Variants in ZNF804B observed in about 807,000 individuals in gnomAD.
ZNF804B encodes zinc finger protein 804B.
ZNF804B carries 80 observed loss-of-function variants against 101.4 expected under a neutral mutation model. That is an observed-to-expected ratio of 0.79 (90% CI 0.66 to 0.95). The LOEUF is 0.95. ZNF804B is among the 40% of genes least tolerant of loss of function. The pLI is 0.00. For synonymous variants in ZNF804B, 622 were observed against 558.8 expected, an observed-to-expected ratio of 1.11 and a Z score of -1.59; for missense variants, 1,673 against 1,561.9, an observed-to-expected ratio of 1.07 and a Z score of -1.20.
At chr7:89,232,384 C>T (rs1166589296) in intron 2 of ZNF804B, among the ~76,000 whole-genome samples, 6 of 152,084 alleles carry the variant, frequency 3.9e-5, no homozygotes, top group Non-Finnish European at 5.9e-5. Flanking sequence ...ATATAGTTCA[C>T]TTTCTTGAGA....
chr7:89,294,112 CCT>C (rs1416643145), intron 2 of ZNF804B, among the ~76,000 whole-genome samples: 1 of 152,100 alleles, frequency 6.6e-6, no homozygotes, highest in Non-Finnish European at 1.5e-5. Context: ...AATTGGTTTT[CCT>C]GACACTGCAA....
At chr7:88,922,140 C>T (rs572412436) in intron 1 of ZNF804B, among the ~76,000 whole-genome samples, 5 of 151,938 alleles carry the variant, frequency 3.3e-5, no homozygotes, top group African/African-American at 4.8e-5. Context: ...TTTTCTCAAC[C>T]TATTAGTCCC....
At position 88,969,893 on chromosome 7, in the gene ZNF804B, TATAAC is replaced by T. The variant is rs368627800; in HGVS notation, c.108+209813_108+209817del. Among the ~76,000 whole-genome samples, 464 of 151,680 alleles carry T rather than the reference TATAAC, an allele frequency of 3.1e-3. 2 individuals carry two copies. The highest frequency in any genetic ancestry group is 0.011 in the African/African-American group (439 of 41,482). On this transcript the variant is annotated intron_variant, in intron 1 of 3. Coordinates refer to ENST00000333190, the MANE Select transcript of ZNF804B (RefSeq NM_181646.5). ...AAAATTGTTTCGCTTAGTATTGTAA[TATAAC>T]ATATAATAGAATTATTTCCAAAAAT...
chr7:88,960,725 C>A (rs951512006), intron 1 of ZNF804B, among the ~76,000 whole-genome samples: 16 of 151,162 alleles, frequency 1.1e-4, no homozygotes, highest in African/African-American at 2.9e-4. Context: ...AAATATAGTA[C>A]TGAATTCCAC....
intron 1 of ZNF804B, among the ~76,000 whole-genome samples, chr7:88,862,413 C>G (rs1196794725): frequency 6.6e-6 from 1 of 152,000 alleles, no homozygotes; most frequent in Non-Finnish European, 1.5e-5. Flanking sequence ...GGTACATGAC[C>G]AGCCTAGGAA....
intron 1 of ZNF804B, among the ~76,000 whole-genome samples, chr7:88,954,223 CT>C (rs541144379): frequency 1.3e-5 from 2 of 151,338 alleles, no homozygotes; most frequent in East Asian, 2.0e-4. Flanking sequence ...TAAAGATTGA[CT>C]TTTTTTTCCA....
chr7:89,028,300 A>G (rs533503307), intron 1 of ZNF804B, among the ~76,000 whole-genome samples: 22 of 152,334 alleles, frequency 1.4e-4, no homozygotes, highest in African/African-American at 5.3e-4. Context: ...AAGCAGTCAT[A>G]TGAAAAGAGT....
chr7:89,114,495 A>G (rs1790278279), intron 1 of ZNF804B, among the ~76,000 whole-genome samples: 1 of 152,190 alleles, frequency 6.6e-6, no homozygotes, highest in African/African-American at 2.4e-5. Flanking sequence ...CAAATCTCAC[A>G]TAGATGGATG....
chr7:89,025,097 T>G (rs1788728760), intron 1 of ZNF804B, among the ~76,000 whole-genome samples: 2 of 152,092 alleles, frequency 1.3e-5, no homozygotes, highest in African/African-American at 4.8e-5. Context: ...ACTATACATT[T>G]AAATTTGTGA....
intron 1 of ZNF804B, among the ~76,000 whole-genome samples, chr7:89,090,452 A>G (rs1166982264): frequency 2.0e-5 from 3 of 152,116 alleles, no homozygotes; most frequent in Admixed American, 6.5e-5. Flanking sequence ...AATAAATAGT[A>G]CAATGTTTGG....
chr7:89,107,351 C>T (rs1790150026), intron 1 of ZNF804B, among the ~76,000 whole-genome samples: 1 of 152,010 alleles, frequency 6.6e-6, no homozygotes, highest in South Asian at 2.1e-4. Flanking sequence ...CTGCTAGATA[C>T]ATTAGTAATA....
chr7:89,054,192 T>C (rs1789256099), intron 1 of ZNF804B, among the ~76,000 whole-genome samples: 1 of 151,652 alleles, frequency 6.6e-6, no homozygotes, highest in Non-Finnish European at 1.5e-5. Flanking sequence ...TTCTCTTCTC[T>C]GGCATTTGCC....
rs539746068 is a variant in ZNF804B at position 89,134,255 on chromosome 7, C to T, written c.109-83900C>T. ...ACTTTATCTGCTAAGTAACCAACCA[C>T]ATTGTTAGGTGAAAGTTGTTGATAA... On this transcript the variant is annotated intron_variant, in intron 1 of 3. Coordinates refer to ENST00000333190, the MANE Select transcript of ZNF804B (RefSeq NM_181646.5). Among the ~76,000 whole-genome samples the T allele has an allele frequency of 2.6e-5, 4 of 152,168 alleles. No individual in the cohort carries two copies. In the East Asian group the frequency reaches 7.7e-4, roughly 29 times the overall value.
chr7:89,075,950 C>T (rs565265823), intron 1 of ZNF804B, among the ~76,000 whole-genome samples: 1 of 152,176 alleles, frequency 6.6e-6, no homozygotes, highest in African/African-American at 2.4e-5. Context: ...GGGCCTGTAG[C>T]CCCTTTGTTT....
At chr7:88,859,755 TA>T (rs1791620647) in intron 1 of ZNF804B, among the ~76,000 whole-genome samples, 1 of 151,938 alleles carries the variant, frequency 6.6e-6, no homozygotes, top group South Asian at 2.1e-4. Context: ...CATATGGAAA[TA>T]TAGTGTTATT....
chr7:89,065,984 C>T (rs1454868588), intron 1 of ZNF804B, among the ~76,000 whole-genome samples: 2 of 152,132 alleles, frequency 1.3e-5, no homozygotes, highest in African/African-American at 2.4e-5. Flanking sequence ...AGAAAGTAGA[C>T]ATCTTGGGGA....
chr7:89,236,064 G>A (rs943201867), intron 2 of ZNF804B, among the ~76,000 whole-genome samples: 1 of 152,000 alleles, frequency 6.6e-6, no homozygotes, highest in African/African-American at 2.4e-5. Flanking sequence ...ATGCTTAGTA[G>A]GTGTAATAAT....
chr7:88,909,873 C>G (rs1304032804), intron 1 of ZNF804B, among the ~76,000 whole-genome samples: 1 of 151,684 alleles, frequency 6.6e-6, no homozygotes, highest in Non-Finnish European at 1.5e-5. Context: ...TTTATGTCCA[C>G]TGCAAATTTA....
chr7:88,817,032 C>G (rs1256970626), intron 1 of ZNF804B, among the ~76,000 whole-genome samples: 1 of 151,858 alleles, frequency 6.6e-6, no homozygotes, highest in African/African-American at 2.4e-5. Context: ...CACATATACA[C>G]CATGGAATAC....
Sources: gnomAD v4.1 joint callset for allele counts (sites outside exome capture counted in the v4.1 genomes callset) on GRCh38, gnomAD v4.1.1 for gene constraint, MANE v1.5 for transcripts, NCBI Gene and HGNC (gene_info 2026-07-23, HGNC 2026-07-21) for gene names.